The following GAB1 variants were observed in gnomAD, a reference collection of about 807,000 sequenced individuals.
GAB1 encodes GRB2-associated-binding protein 1.
A neutral mutation model predicts 66.5 loss-of-function variants in GAB1; 19 were observed. The ratio of observed to expected loss-of-function variants is 0.29; its 90% CI spans 0.20 to 0.42. GAB1 has a LOEUF of 0.42. Ranked by LOEUF, GAB1 falls within the 10% of genes least tolerant of loss-of-function variation. The pLI, the probability that GAB1 is intolerant of heterozygous loss-of-function variation, is 1.00. For synonymous variants in GAB1, 294 were observed against 301.4 expected (o/e 0.98, Z 0.25); for missense variants, 732 against 858.5 (o/e 0.85, Z 1.84).
intron 1 of GAB1, chr4:143,350,175 G>A: frequency 1.5e-6 from 1 of 682,422 alleles, no homozygotes; most frequent in Non-Finnish European, 2.5e-6. Flanking sequence ...GACACTTTTT[G>A]TGTGCTCCTA....
intron 1 of GAB1, among the ~76,000 whole-genome samples, chr4:143,353,761 C>CTAA (rs1729325806): frequency 6.6e-6 from 1 of 151,338 alleles, no homozygotes; most frequent in Non-Finnish European, 1.5e-5. Context: ...TTTCTTTATT[C>CTAA]TAATTATCTC....
intron 4 of GAB1, 82 bp downstream of exon 4, chr4:143,438,682 G>A (rs1734070027): frequency 1.4e-6 from 2 of 1,408,274 alleles, no homozygotes; most frequent in African/African-American, 1.4e-5. Context: ...TTTAAGCGTA[G>A]TTAAATATAC....
chr4:143,415,974 A>G (rs1436483578), intron 2 of GAB1, among the ~76,000 whole-genome samples: 6 of 152,232 alleles, frequency 3.9e-5, no homozygotes, highest in African/African-American at 1.4e-4. Flanking sequence ...AGACTTAGAC[A>G]TATTGGGGCA....
At position 143,460,433 on chromosome 4, in the gene GAB1, C is replaced by G; in HGVS notation, c.1749C>G (p.His583Gln). 6.2e-7 allele frequency: 1 copy of G among 1,613,384 alleles called. No individual in the cohort carries two copies. The highest frequency in any genetic ancestry group is 1.7e-5 in the Admixed American group (1 of 60,012). Reference sequence around the variant, plus strand: ...GCACAACTTCAAGCAGTGACTCACACGACAGTGAAGAGAATTATGTTCCCA... The same window carrying G: ...GCACAACTTCAAGCAGTGACTCACAGGACAGTGAAGAGAATTATGTTCCCA... ...VHSTTSSSDSHDSEENYVPMN... is the reference protein window; with the variant it reads ...VHSTTSSSDSQDSEENYVPMN... Residue 583 changes from histidine to glutamine, a missense_variant, in exon 8 of 10, where the codon CAC (histidine) becomes CAG (glutamine). Physicochemically the swap from His to Gln is conservative, Grantham distance 24. Around this residue, in one of 4 missense-constraint regions of GAB1, gnomAD observed 204 missense variants for 276.8 expected, o/e 0.74. Transcript: ENST00000262994.
intron 6 of GAB1, among the ~76,000 whole-genome samples, chr4:143,453,620 G>A (rs1735032358): frequency 6.6e-6 from 1 of 152,102 alleles, no homozygotes; most frequent in African/African-American, 2.4e-5. Flanking sequence ...CTCTGATGTT[G>A]GAAGCACTTA....
At chr4:143,414,369 G>A (rs2149716400) in intron 1 of GAB1, among the ~76,000 whole-genome samples, 1 of 152,250 alleles carries the variant, frequency 6.6e-6, no homozygotes, top group Non-Finnish European at 1.5e-5. Context: ...ATAGATTTAG[G>A]GAGGGTGATA....
At chr4:143,341,752 C>T (rs573825430) in intron 1 of GAB1, among the ~76,000 whole-genome samples, 4 of 152,304 alleles carry the variant, frequency 2.6e-5, no homozygotes, top group East Asian at 3.9e-4. Context: ...ACTGGGTGGG[C>T]ACCTGACATC....
At chr4:143,435,699 C>T (rs1433778915) in intron 3 of GAB1, among the ~76,000 whole-genome samples, 1 of 152,164 alleles carries the variant, frequency 6.6e-6, no homozygotes, top group Non-Finnish European at 1.5e-5. Flanking sequence ...ATATAGTCTA[C>T]TCAGATATAG....
intron 3 of GAB1, among the ~76,000 whole-genome samples, chr4:143,437,364 G>A (rs1733991497): frequency 1.3e-5 from 2 of 152,140 alleles, no homozygotes; most frequent in Admixed American, 1.3e-4. Flanking sequence ...TTCTCAAAGT[G>A]AGTTATTGTT....
chr4:143,380,113 C>T (rs956088690), intron 1 of GAB1, among the ~76,000 whole-genome samples: 4 of 150,690 alleles, frequency 2.7e-5, no homozygotes, highest in Admixed American at 6.7e-5. Context: ...AAATCGTGGG[C>T]CTCAGTTTTT....
intron 1 of GAB1, among the ~76,000 whole-genome samples, chr4:143,375,760 T>TA (rs1730388104): frequency 6.6e-6 from 1 of 152,206 alleles, no homozygotes; most frequent in South Asian, 2.1e-4. Context: ...GCACTGTTGA[T>TA]ATTGTGGCCT....
chr4:143,373,831 CT>C (rs1416820632), intron 1 of GAB1, among the ~76,000 whole-genome samples: 1 of 109,148 alleles, frequency 9.2e-6, no homozygotes, highest in African/African-American at 3.5e-5. Flanking sequence ...CCCTCTCTCT[CT>C]CTCTCTCTCT....
At chr4:143,374,338 C>T (rs747333542) in intron 1 of GAB1, among the ~76,000 whole-genome samples, 3 of 152,012 alleles carry the variant, frequency 2.0e-5, no homozygotes, top group Non-Finnish European at 4.4e-5. Flanking sequence ...GTGCCTGTGC[C>T]GATTGGGGAA....
At chr4:143,384,686 G>T (rs968209452) in intron 1 of GAB1, among the ~76,000 whole-genome samples, 2 of 152,188 alleles carry the variant, frequency 1.3e-5, no homozygotes, top group Non-Finnish European at 2.9e-5. Context: ...GGTGTATTTT[G>T]CAGCTAGTTT....
At chr4:143,450,175 A>T (rs924125357) in intron 6 of GAB1, among the ~76,000 whole-genome samples, 4 of 152,132 alleles carry the variant, frequency 2.6e-5, no homozygotes, top group African/African-American at 9.7e-5. Flanking sequence ...CTTGACTTCA[A>T]AGTATAATTA....
chr4:143,444,345 A>G (rs376469178), intron 6 of GAB1, among the ~76,000 whole-genome samples: 4 of 152,256 alleles, frequency 2.6e-5, no homozygotes, highest in South Asian at 4.2e-4. Context: ...AACAGTCTGA[A>G]CATTAGTTAC....
At chr4:143,451,554 T>C (rs1734932630) in intron 6 of GAB1, among the ~76,000 whole-genome samples, 1 of 152,186 alleles carries the variant, frequency 6.6e-6, no homozygotes, top group African/African-American at 2.4e-5. Flanking sequence ...GAAATAAGTA[T>C]GGAGTGCATA....
intron 2 of GAB1, chr4:143,425,772 G>A: frequency 2.6e-6 from 2 of 767,580 alleles, no homozygotes; most frequent in South Asian, 1.3e-5. Context: ...TACTCAGCCT[G>A]AGGTTGCACA....
intron 1 of GAB1, among the ~76,000 whole-genome samples, chr4:143,363,414 A>G (rs954486587): frequency 3.3e-5 from 5 of 152,248 alleles, no homozygotes; most frequent in Middle Eastern, 3.4e-3. Context: ...AAGTAGTACT[A>G]TAGGACCTAA....
Sources: gnomAD v4.1 joint callset for allele counts (sites outside exome capture counted in the v4.1 genomes callset) on GRCh38, gnomAD v4.1.1 for gene constraint, gnomAD v4.1.1 regional missense constraint, MANE v1.5 for transcripts, NCBI Gene and HGNC (gene_info 2026-07-23, HGNC 2026-07-21) for gene names.